SPTLC3: variants seen among roughly 807,000 people sequenced by gnomAD.
SPTLC3 encodes the protein serine palmitoyltransferase long chain base subunit 3.
A neutral mutation model predicts 59.3 loss-of-function variants in SPTLC3; 36 were observed. That is an observed-to-expected ratio of 0.61 (90% CI 0.47 to 0.80). The LOEUF (loss-of-function observed/expected upper bound fraction) is 0.80, where lower values mean the gene tolerates loss of function less well. Among genes scored for constraint, SPTLC3 ranks in the 30% least tolerant of loss-of-function variants. The pLI is 0.00. For synonymous variants in SPTLC3, 257 were observed against 240.8 expected (o/e 1.07, Z -0.62); for missense variants, 625 against 685.1 (o/e 0.91, Z 0.98).
chr20:13,152,619 A>T (rs763205285), intron 9 of SPTLC3, among the ~76,000 whole-genome samples: 8 of 152,164 alleles, frequency 5.3e-5, no homozygotes, highest in Admixed American at 1.3e-4. Flanking sequence ...TCCTCAGTGG[A>T]TCTAAAAGAA....
chr20:13,138,254 A>C (rs6078936), intron 9 of SPTLC3, among the ~76,000 whole-genome samples: 21,618 of 152,164 alleles, frequency 0.14, 1,600 homozygotes, highest in East Asian at 0.2. Flanking sequence ...GGCTGAATAA[A>C]TGACCCATTC....
intron 4 of SPTLC3, among the ~76,000 whole-genome samples, chr20:13,089,116 G>T (rs918626424): frequency 6.6e-6 from 1 of 152,168 alleles, no homozygotes; most frequent in South Asian, 2.1e-4. Flanking sequence ...AGCACAGTAA[G>T]AAAATTAACG....
At chr20:13,071,656 A>T (rs1190018269) in intron 2 of SPTLC3, among the ~76,000 whole-genome samples, 1 of 152,164 alleles carries the variant, frequency 6.6e-6, no homozygotes, top group African/African-American at 2.4e-5. Context: ...GACATTAGAC[A>T]TGTCTTGCTT....
intron 5 of SPTLC3, among the ~76,000 whole-genome samples, chr20:13,091,621 C>T (rs1374537623): frequency 2.6e-5 from 4 of 151,538 alleles, no homozygotes; most frequent in African/African-American, 4.8e-5. Context: ...AGGTTCTTTT[C>T]GTAGGAGAAA....
Position 13,168,267 on chromosome 20 carries a change from T to C in SPTLC3, c.*3400T>C. The C allele has an allele frequency of 6.6e-6, 1 of 150,484 alleles. No individual in the cohort carries two copies. The allele number at this position is 150,484 out of a possible 1,614,324, so 9.3% of individuals were successfully genotyped here. On this transcript the variant is annotated 3_prime_UTR_variant, in exon 12 of 12. Coordinates refer to ENST00000399002, the MANE Select transcript of SPTLC3 (RefSeq NM_018327.4). ...GGCAAGATCTCGGCTCATTGCAACC[T>C]CCACCTCCCGGGTTCAAGCGATTCT...
At chr20:13,108,305 T>C (rs1990021553) in intron 6 of SPTLC3, among the ~76,000 whole-genome samples, 2 of 152,222 alleles carry the variant, frequency 1.3e-5, no homozygotes, top group Non-Finnish European at 2.9e-5. Flanking sequence ...TTCAAAGAAC[T>C]ATCTTGTGGC....
At chr20:13,144,876 A>G (rs1029415396) in intron 9 of SPTLC3, among the ~76,000 whole-genome samples, 1 of 152,004 alleles carries the variant, frequency 6.6e-6, no homozygotes, top group Non-Finnish European at 1.5e-5. Context: ...CCAGGTTCAC[A>G]CCATTCTCCT....
intron 1 of SPTLC3, among the ~76,000 whole-genome samples, chr20:13,025,855 T>C (rs550803213): frequency 1.5e-4 from 23 of 152,308 alleles, no homozygotes; most frequent in Admixed American, 9.8e-4. Flanking sequence ...ACCCATTAGT[T>C]ATTTTTCCAG....
chr20:13,020,356 A>AG (rs33992247), intron 1 of SPTLC3, among the ~76,000 whole-genome samples: 3 of 33,946 alleles, frequency 8.8e-5, no homozygotes, highest in Non-Finnish European at 1.5e-4. Flanking sequence ...TTAAAAAAAA[A>AG]AAAGAAAAAA....
intron 2 of SPTLC3, among the ~76,000 whole-genome samples, chr20:13,070,670 C>A (rs138071768): frequency 6.6e-6 from 1 of 152,234 alleles, no homozygotes; most frequent in East Asian, 1.9e-4. Flanking sequence ...GCAAATGCTT[C>A]GGGTCCTCAA....
chr20:13,017,219 A>G (rs1375099280), intron 1 of SPTLC3, among the ~76,000 whole-genome samples: 1 of 152,152 alleles, frequency 6.6e-6, no homozygotes, highest in Non-Finnish European at 1.5e-5. Context: ...GCTTATCACA[A>G]ATGACACCAA....
At chr20:13,027,663 A>G (rs796599641) in intron 1 of SPTLC3, among the ~76,000 whole-genome samples, 2 of 144,410 alleles carry the variant, frequency 1.4e-5, no homozygotes, top group South Asian at 2.3e-4. Flanking sequence ...ACACACACAC[A>G]CACACACACA....
intron 6 of SPTLC3, among the ~76,000 whole-genome samples, chr20:13,106,323 A>G (rs906306445): frequency 6.6e-5 from 10 of 152,208 alleles, no homozygotes; most frequent in African/African-American, 2.4e-4. Context: ...AAGGATGAGG[A>G]CGAGGTCCCT....
At chr20:13,164,359 G>T (rs1276841555) in intron 11 of SPTLC3, 1 of 472,492 alleles carries the variant, frequency 2.1e-6, no homozygotes, top group Admixed American at 2.3e-5. Flanking sequence ...TTGGCCAGGT[G>T]ATTTGCTGTG....
chr20:13,162,903 C>T, intron 11 of SPTLC3, among the ~76,000 whole-genome samples: 1 of 152,078 alleles, frequency 6.6e-6, no homozygotes, highest in Admixed American at 6.5e-5. Context: ...AGTGTCCTCC[C>T]TCTCCCATCT....
intron 6 of SPTLC3, among the ~76,000 whole-genome samples, chr20:13,100,651 G>A (rs1383256974): frequency 6.6e-6 from 1 of 152,150 alleles, no homozygotes; most frequent in Non-Finnish European, 1.5e-5. Flanking sequence ...TAGTACATGT[G>A]GATAATAGCT....
chr20:13,014,819 C>T (rs1173580366), intron 1 of SPTLC3, among the ~76,000 whole-genome samples: 1 of 151,746 alleles, frequency 6.6e-6, no homozygotes, highest in East Asian at 1.9e-4. Context: ...AAATGTCAAC[C>T]AATTCCGGTC....
At chr20:13,109,649 G>A (rs1298504663) in intron 6 of SPTLC3, among the ~76,000 whole-genome samples, 1 of 152,174 alleles carries the variant, frequency 6.6e-6, no homozygotes, top group East Asian at 1.9e-4. Flanking sequence ...TCTAAGACTG[G>A]GGGATGTCAG....
intron 1 of SPTLC3, among the ~76,000 whole-genome samples, chr20:13,028,544 T>C (rs1986272359): frequency 6.6e-6 from 1 of 152,208 alleles, no homozygotes. Flanking sequence ...CATATATGTA[T>C]ATACTTGCAA....
Sources: allele counts gnomAD v4.1 joint callset (sites outside exome capture counted in the v4.1 genomes callset), GRCh38; gene constraint gnomAD v4.1.1; transcripts MANE v1.5; gene names NCBI Gene and HGNC (gene_info 2026-07-23, HGNC 2026-07-21).